The following ABL1 variants were observed in gnomAD, a reference collection of about 807,000 sequenced individuals.
The protein encoded by ABL1 is tyrosine-protein kinase ABL1.
Under a neutral mutation model 94.7 loss-of-function variants are expected in ABL1, and 11 were observed. The observed-to-expected ratio is 0.12, with a 90% CI of 0.07 to 0.19. ABL1 has a LOEUF of 0.19. Among genes scored for constraint, ABL1 ranks in the 10% least tolerant of loss-of-function variants. ABL1 has a pLI of 1.00. For synonymous variants in ABL1, 656 were observed against 622.4 expected (o/e 1.05, Z -0.80); for missense variants, 1,082 against 1,489.4 (o/e 0.73, Z 4.50).
chr9:130,869,173 A>C (rs1222247936), intron 4 of ABL1, among the ~76,000 whole-genome samples: 7 of 152,174 alleles, frequency 4.6e-5, no homozygotes, highest in Non-Finnish European at 8.8e-5. Context: ...TCTCAAAAAA[A>C]AAAAGAAAAT....
At chr9:130,803,400 T>A (rs1830082727) in intron 1 of ABL1, among the ~76,000 whole-genome samples, 1 of 152,214 alleles carries the variant, frequency 6.6e-6, no homozygotes, top group African/African-American at 2.4e-5. Flanking sequence ...CCAAAAATGC[T>A]TTGACTTTTT....
In ABL1 at chr9:130,733,575, CT is replaced by C. The variant is rs35185474; in HGVS notation, c.136+19142del. On this transcript the variant is annotated intron_variant, in intron 1 of 10. Transcript: ENST00000372348. ...CACCACTGCGCCTGGCTGTAAAGCA[CT>C]TTTTTTTTTTTTTTTTTTTTTGAGA... Among the ~76,000 whole-genome samples the C allele has an allele frequency of 6.5e-4, 67 of 103,188 alleles. No individual in the cohort carries two copies. The Middle Eastern group carries it at 0.019, about 29-fold the overall frequency. 67.7% of individuals were successfully genotyped at this position (103,188 alleles called of 152,430 possible). A position where few individuals can be genotyped will look rare whatever the true frequency, so the allele number is the denominator to read the frequency against.
intron 1 of ABL1, among the ~76,000 whole-genome samples, chr9:130,841,737 G>A (rs1830675654): frequency 6.6e-6 from 1 of 151,942 alleles, no homozygotes; most frequent in Admixed American, 6.6e-5. Flanking sequence ...ACTTGAACCT[G>A]GGAGGCAGAG....
chr9:130,881,016 G>A (rs961182782), intron 10 of ABL1, among the ~76,000 whole-genome samples: 6 of 152,240 alleles, frequency 3.9e-5, no homozygotes, highest in African/African-American at 1.2e-4. Flanking sequence ...ACCAGGCTGC[G>A]TGACAAGCAG....
At chr9:130,794,218 T>C (rs879504319) in intron 1 of ABL1, among the ~76,000 whole-genome samples, 12 of 152,196 alleles carry the variant, frequency 7.9e-5, no homozygotes, top group Admixed American at 7.2e-4. Context: ...ACTGTTGCCA[T>C]TGGATCATGA....
Position 130,873,047 on chromosome 9 carries a change from T to C in ABL1, c.1085+10T>C. On this transcript the variant is annotated intron_variant, in intron 6 of 10. Transcript: ENST00000318560. ...AAAACTTCATCCACAGGTAGGGGCCTGGCCAGGCAGCCTGCGCCATGGAGT... is the reference window on the plus strand; with the variant it reads ...AAAACTTCATCCACAGGTAGGGGCCCGGCCAGGCAGCCTGCGCCATGGAGT... 6.2e-7 allele frequency: 1 copy of C among 1,610,734 alleles called. No individual in the cohort carries two copies. The highest frequency in any genetic ancestry group is 8.5e-7 in the Non-Finnish European group (1 of 1,178,006).
At chr9:130,882,467 C>G (rs1298639608) in intron 10 of ABL1, among the ~76,000 whole-genome samples, 2 of 152,160 alleles carry the variant, frequency 1.3e-5, no homozygotes, top group East Asian at 3.9e-4. Flanking sequence ...AACAGAAAAC[C>G]TCTTCTTGCA....
In ABL1 at chr9:130,876,806, A is replaced by G. The variant is rs11794545; in HGVS notation, c.1271-1609A>G. On this transcript the variant is annotated intron_variant, in intron 7 of 10. Transcript: ENST00000318560. The stretch of plus-strand genomic sequence containing the variant: ...GGCTGGAGTGCAGTGGCATGATCTC[A>G]GCTCACTGCAAGCTCCGCCTTCCGG... Among the ~76,000 whole-genome samples, 252 of 118,672 alleles carry G rather than the reference A, an allele frequency of 2.1e-3. 15 individuals carry two copies. Among genetic ancestry groups the G allele is most frequent in the African/African-American group, 7.7e-3 (209 of 27,250 alleles). 77.9% of individuals were successfully genotyped at this position (118,672 alleles called of 152,430 possible). A position where few individuals can be genotyped will look rare whatever the true frequency, so the allele number is the denominator to read the frequency against.
Position 130,863,070 on chromosome 9 carries a change from TG to T in ABL1, c.822+39del. The T allele has an allele frequency of 6.4e-7, 1 of 1,555,486 alleles. No homozygotes were observed. Among genetic ancestry groups the T allele is most frequent in the Non-Finnish European group, 8.7e-7 (1 of 1,147,442 alleles). On this transcript the variant is annotated intron_variant, in intron 4 of 10. Transcript: ENST00000318560. The surrounding 1 kb of genome is among the most constrained non-coding windows in gnomAD (Gnocchi z 4.3). ...GACTGCCGGGGGTGCCCAGGGTACG[TG>T]GGGCAAGGCGTCTGCTGGCATTAGG...
exon 1 of ABL1, chr9:130,713,876 TA>T (rs1831403067): frequency 4.3e-6 from 1 of 230,446 alleles, no homozygotes; most frequent in African/African-American, 2.2e-5. Context: ...GAAGCTAAGA[TA>T]GGGGGTTGGT....
chr9:130,728,589 A>T (rs1831621638), intron 1 of ABL1, among the ~76,000 whole-genome samples: 1 of 149,072 alleles, frequency 6.7e-6, no homozygotes, highest in Non-Finnish European at 1.5e-5. Context: ...ACGGAGTTTC[A>T]CCGTGTTAGC....
intron 1 of ABL1, among the ~76,000 whole-genome samples, chr9:130,846,518 C>T (rs995046719): frequency 2.6e-5 from 4 of 152,212 alleles, no homozygotes; most frequent in African/African-American, 9.6e-5. Flanking sequence ...ATGCTCCATC[C>T]TCCTGTCCCC....
chr9:130,885,458 G>T lies in ABL1; in HGVS notation c.3168G>T (p.Val1056=). 1 of 1,614,044 alleles carries T rather than the reference G, an allele frequency of 6.2e-7. No homozygotes were observed. Among genetic ancestry groups the T allele is most frequent in the South Asian group, 1.1e-5 (1 of 91,088 alleles). ...AGCAGATGGCCAGCCACAGCGCAGT[G>T]CTGGAGGCCGGCAAAAACCTCTACA... ...NSEQMASHSA[V]LEAGKNLYTF... Residue 1056 remains valine (V), a synonymous_variant, in exon 11 of 11, where the codon GTG becomes GTT. Transcript: ENST00000318560.
chr9:130,771,635 A>C (rs1369380814), intron 1 of ABL1, among the ~76,000 whole-genome samples: 1 of 151,966 alleles, frequency 6.6e-6, no homozygotes, highest in Non-Finnish European at 1.5e-5. Context: ...TTATTTATTT[A>C]TTTATTTTTA....
chr9:130,773,204 T>C (rs1832273202), intron 1 of ABL1, among the ~76,000 whole-genome samples: 1 of 151,888 alleles, frequency 6.6e-6, no homozygotes, highest in Non-Finnish European at 1.5e-5. Flanking sequence ...CCTGTAATCC[T>C]GCTACTCGGG....
chr9:130,747,687 A>G (rs1033393585), intron 1 of ABL1, among the ~76,000 whole-genome samples: 1 of 152,190 alleles, frequency 6.6e-6, no homozygotes, highest in Non-Finnish European at 1.5e-5. Context: ...TGCTGGGATT[A>G]CAGGCATGAG....
At chr9:130,842,411 A>G (rs1204285640) in intron 1 of ABL1, among the ~76,000 whole-genome samples, 2 of 152,230 alleles carry the variant, frequency 1.3e-5, no homozygotes, top group Non-Finnish European at 2.9e-5. Context: ...TCTCTATAGA[A>G]ACCTAGTCTT....
intron 1 of ABL1, among the ~76,000 whole-genome samples, chr9:130,771,755 T>TCTTTCTTTCTTTC (rs1554762488): frequency 1.7e-5 from 2 of 120,746 alleles, no homozygotes; most frequent in African/African-American, 3.2e-5. Flanking sequence ...TTTCTTTCTT[T>TCTTTCTTTCTTTC]TTTTTTTTTT....
chr9:130,741,847 A>G (rs1831824127), intron 1 of ABL1, among the ~76,000 whole-genome samples: 1 of 151,904 alleles, frequency 6.6e-6, no homozygotes, highest in African/African-American at 2.4e-5. Flanking sequence ...GAGCAAGATA[A>G]GAACAACGTA....
Sources: allele counts gnomAD v4.1 joint callset (sites outside exome capture counted in the v4.1 genomes callset), GRCh38; gene constraint gnomAD v4.1.1; non-coding constraint Gnocchi (gnomAD v3.1); transcripts MANE v1.5; gene names NCBI Gene and HGNC (gene_info 2026-07-23, HGNC 2026-07-21).